Variants in SPIRE1 observed in about 807,000 individuals in gnomAD.
The protein encoded by SPIRE1 is protein spire homolog 1.
In SPIRE1, 40 loss-of-function variants were observed where a neutral mutation model predicts 94.1. The ratio of observed to expected loss-of-function variants is 0.43; its 90% confidence interval spans 0.33 to 0.55. The LOEUF is 0.55. SPIRE1 is among the 20% of genes least tolerant of loss of function. The pLI, the probability that SPIRE1 is intolerant of heterozygous loss-of-function variation, is 0.06. For missense variants in SPIRE1, 838 were observed against 975.2 expected, an observed-to-expected ratio of 0.86 and a Z score of 1.87; for synonymous variants, 376 against 371.7, an observed-to-expected ratio of 1.01 and a Z score of -0.13.
chr18:12,623,847 C>T (rs562374655), intron 2 of SPIRE1, among the ~76,000 whole-genome samples: 2 of 152,070 alleles, frequency 1.3e-5, no homozygotes, highest in South Asian at 2.1e-4. Context: ...AGGCTGGTCT[C>T]GAACTCCTGA....
At chr18:12,506,780 T>C in intron 5 of SPIRE1, 139 bp from the exon 6 acceptor site, 1 of 855,278 alleles carries the variant, frequency 1.2e-6, no homozygotes, top group Non-Finnish European at 1.8e-6. Context: ...AAAAATTAGA[T>C]TTTGGGTACT....
intron 12 of SPIRE1, among the ~76,000 whole-genome samples, chr18:12,461,657 T>C (rs1393775445): frequency 7.0e-6 from 1 of 142,512 alleles, no homozygotes; most frequent in Non-Finnish European, 1.6e-5. Flanking sequence ...AGACAGGGTC[T>C]TGCTGTGTCA....
At chr18:12,451,349 G>A (rs951810218) in intron 16 of SPIRE1, among the ~76,000 whole-genome samples, 1 of 152,150 alleles carries the variant, frequency 6.6e-6, no homozygotes, top group Non-Finnish European at 1.5e-5. Flanking sequence ...CAAGGAGCTG[G>A]AGATAACCAG....
intron 2 of SPIRE1, among the ~76,000 whole-genome samples, chr18:12,558,925 A>G (rs1305786289): frequency 6.6e-6 from 1 of 152,214 alleles, no homozygotes; most frequent in Non-Finnish European, 1.5e-5. Flanking sequence ...ACCTTGAGCT[A>G]GACACAGACT....
In SPIRE1 at chr18:12,449,902, G is replaced by A. The variant is rs2031141489; in HGVS notation, c.2013-6C>T. The A allele has an allele frequency of 1.2e-6, 2 of 1,612,112 alleles. No homozygotes were observed. Among genetic ancestry groups the A allele is most frequent in the Non-Finnish European group, 1.7e-6 (2 of 1,178,942 alleles). On this transcript the variant is annotated splice_polypyrimidine_tract_variant and splice_region_variant and intron_variant, in intron 16 of 16. Transcript: ENST00000409402. ...ACTTAGATTTTGAGGAGAACCTGGG[G>A]TGAAAACAAAACAGAAGCCCAGCAT...
intron 1 of SPIRE1, among the ~76,000 whole-genome samples, chr18:12,636,101 C>A (rs1399295400): frequency 1.3e-5 from 2 of 152,100 alleles, no homozygotes; most frequent in Non-Finnish European, 2.9e-5. Flanking sequence ...CCATGTTGGC[C>A]AGGCTGGTCT....
chr18:12,459,675 CA>C, intron 12 of SPIRE1: 1 of 859,506 alleles, frequency 1.2e-6, no homozygotes. Flanking sequence ...GGTTAATTCT[CA>C]GAGAACGCAA....
At chr18:12,461,426 G>A (rs1051010317) in intron 12 of SPIRE1, among the ~76,000 whole-genome samples, 19 of 71,206 alleles carry the variant, frequency 2.7e-4, no homozygotes, top group African/African-American at 9.1e-4. Context: ...GTGTGTGTGT[G>A]TGTATGTATG....
chr18:12,539,421 G>A (rs555797853), intron 3 of SPIRE1, among the ~76,000 whole-genome samples: 37 of 152,194 alleles, frequency 2.4e-4, no homozygotes, highest in African/African-American at 7.9e-4. Context: ...CCTTAGCCAC[G>A]TGGAACTGTG....
chr18:12,514,109 G>C (rs1301292760), intron 4 of SPIRE1, among the ~76,000 whole-genome samples: 2 of 152,088 alleles, frequency 1.3e-5, no homozygotes, highest in Non-Finnish European at 2.9e-5. Flanking sequence ...CAAACGGCTG[G>C]GATTATAGCC....
intron 4 of SPIRE1, among the ~76,000 whole-genome samples, chr18:12,515,906 C>T (rs2034179260): frequency 6.6e-6 from 1 of 152,150 alleles, no homozygotes. Flanking sequence ...CTGCTCAATC[C>T]TGCTTTCCTT....
At chr18:12,491,919 T>C (rs927460812) in intron 8 of SPIRE1, among the ~76,000 whole-genome samples, 3 of 151,842 alleles carry the variant, frequency 2.0e-5, no homozygotes, top group Non-Finnish European at 4.4e-5. Context: ...TCAACAGGGG[T>C]TGGCCATCGG....
chr18:12,623,539 C>A (rs1348024096), intron 2 of SPIRE1, among the ~76,000 whole-genome samples: 1 of 152,236 alleles, frequency 6.6e-6, no homozygotes, highest in African/African-American at 2.4e-5. Flanking sequence ...CAGATCCCAT[C>A]CGCATTGCAT....
chr18:12,509,953 T>C (rs767585132), intron 5 of SPIRE1, among the ~76,000 whole-genome samples: 3 of 151,710 alleles, frequency 2.0e-5, no homozygotes, highest in Admixed American at 1.3e-4. Flanking sequence ...GGTGTGGTGG[T>C]GCGCACCTGT....
Position 12,512,493 on chromosome 18 carries a change from T to G in SPIRE1, c.768A>C (p.Glu256Asp). ...KKIQEMEKSD[E>D]SSTDLEELKN... ...TCAGCTCTTCCAAGTCTGTGCTAGA[T>G]TCATCGCTCTTTTCCATTTCTTGAA... is the stretch of plus-strand genomic sequence containing the variant. The change falls in exon 5 of 17, where the codon GAA becomes GAC. Residue 256 changes from glutamate to aspartate, a missense_variant. Glu to Asp is a conservative substitution (Grantham distance 45, BLOSUM62 2). Transcript: ENST00000409402. 6.2e-7 allele frequency: 1 copy of G among 1,612,820 alleles called. No individual in the cohort carries two copies. The highest frequency in any genetic ancestry group is 8.5e-7 in the Non-Finnish European group (1 of 1,179,198).
intron 1 of SPIRE1, among the ~76,000 whole-genome samples, chr18:12,657,181 G>A (rs888194797): frequency 1.3e-5 from 2 of 152,196 alleles, no homozygotes; most frequent in Non-Finnish European, 2.9e-5. Flanking sequence ...CAGGCCGCTG[G>A]CCCGGAGCAG....
At chr18:12,653,013 G>A (rs2038424936) in intron 1 of SPIRE1, 1 of 152,204 alleles carries the variant, frequency 6.6e-6, no homozygotes, top group Non-Finnish European at 1.5e-5. Flanking sequence ...GAGGATTACA[G>A]CCAGAATCCA....
chr18:12,476,749 A>G (rs2032619910), intron 10 of SPIRE1, among the ~76,000 whole-genome samples: 1 of 151,592 alleles, frequency 6.6e-6, no homozygotes, highest in East Asian at 1.9e-4. Context: ...TCCCACATTT[A>G]ATACCTTTGC....
At chr18:12,574,760 G>A (rs2144494661) in intron 2 of SPIRE1, among the ~76,000 whole-genome samples, 1 of 152,344 alleles carries the variant, frequency 6.6e-6, no homozygotes, top group Non-Finnish European at 1.5e-5. Context: ...TGGCTGGCCA[G>A]AGGATGAGAA....
Sources: gnomAD v4.1 joint callset for allele counts (sites outside exome capture counted in the v4.1 genomes callset) on GRCh38, gnomAD v4.1.1 for gene constraint, MANE v1.5 for transcripts, NCBI Gene and HGNC (gene_info 2026-07-23, HGNC 2026-07-21) for gene names.